Variants in UBE3A observed in about 807,000 individuals in gnomAD.
UBE3A encodes ubiquitin protein ligase E3A.
In UBE3A, 6 loss-of-function variants were observed where a neutral mutation model predicts 83.4. The observed-to-expected ratio is 0.07, with a 90% CI of 0.04 to 0.14. The LOEUF is 0.14. Among genes scored for constraint, UBE3A ranks in the 10% least tolerant of loss-of-function variants. The pLI is 1.00. For synonymous variants in UBE3A, 337 were observed against 355.4 expected (o/e 0.95, Z 0.58); for missense variants, 456 against 1,036.1 (o/e 0.44, Z 7.69).
At chr15:25,351,969 G>A (rs1237285495) in intron 11 of UBE3A, among the ~76,000 whole-genome samples, 3 of 151,948 alleles carry the variant, frequency 2.0e-5, no homozygotes, top group Admixed American at 6.6e-5. Context: ...CGAGGCGGGC[G>A]GATCACCAGA....
At chr15:25,358,089 G>T (rs2077497408) in intron 7 of UBE3A, among the ~76,000 whole-genome samples, 2 of 151,772 alleles carry the variant, frequency 1.3e-5, no homozygotes, top group East Asian at 1.9e-4. Flanking sequence ...GGAAAATTGG[G>T]GCCCGGTGTG....
chr15:25,389,283 A>G (rs1363282549), intron 4 of UBE3A, among the ~76,000 whole-genome samples: 1 of 150,060 alleles, frequency 6.7e-6, no homozygotes, highest in Non-Finnish European at 1.5e-5. Context: ...GAGTCTAGAC[A>G]CAGGTCTTAC....
At chr15:25,389,440 G>GAAGA (rs1172202293) in intron 4 of UBE3A, among the ~76,000 whole-genome samples, 2 of 152,150 alleles carry the variant, frequency 1.3e-5, no homozygotes, top group Admixed American at 1.3e-4. Flanking sequence ...TACCAACCAT[G>GAAGA]AAGAAAAGAA....
intron 4 of UBE3A, among the ~76,000 whole-genome samples, chr15:25,386,063 G>A (rs1163645288): frequency 6.6e-6 from 1 of 152,098 alleles, no homozygotes; most frequent in East Asian, 1.9e-4. Flanking sequence ...TTGTAGCAAA[G>A]CCAAAATGAT....
At chr15:25,402,822 G>A (rs1029674723) in intron 4 of UBE3A, among the ~76,000 whole-genome samples, 9 of 152,078 alleles carry the variant, frequency 5.9e-5, no homozygotes, top group South Asian at 2.1e-4. Context: ...GTAATCTCTC[G>A]TCTGGTTTCT....
intron 6 of UBE3A, among the ~76,000 whole-genome samples, chr15:25,363,726 T>C (rs926186795): frequency 6.6e-6 from 1 of 152,164 alleles, no homozygotes; most frequent in African/African-American, 2.4e-5. Flanking sequence ...TATTTTTCCA[T>C]TTTTTACAAC....
In UBE3A at chr15:25,337,553, G is replaced by GA. The variant is rs2074043910; in HGVS notation, c.*1583dup. 2.0e-5 allele frequency: 3 copies of GA among 151,944 alleles called. No individual in the cohort carries two copies. Among genetic ancestry groups the GA allele is most frequent in the African/African-American group, 4.8e-5 (2 of 41,350 alleles). 9.4% of individuals were successfully genotyped at this position (151,944 alleles called of 1,614,324 possible). A position where few individuals can be genotyped will look rare whatever the true frequency, so the allele number is the denominator to read the frequency against. ...TAACAAACAGTTCTGTCTCAATTAT[G>GA]AAAAAAATTAATTAAAATAATCCTG... is the stretch of plus-strand genomic sequence containing the variant. On this transcript the variant is annotated 3_prime_UTR_variant, in exon 13 of 13. Coordinates refer to ENST00000648336, the MANE Select transcript of UBE3A (RefSeq NM_130839.5).
rs2077164183 is a variant in UBE3A at position 25,355,946 on chromosome 15, C to T, written c.2070G>A (p.Met690Ile). Residue 690 changes from methionine to isoleucine, a missense_variant, in exon 9 of 13, where the codon ATG (methionine) becomes ATA (isoleucine). Around this residue, in one of 13 missense-constraint regions of UBE3A, gnomAD observed 82 missense variants for 199.3 expected, o/e 0.41. Coordinates refer to ENST00000648336, the MANE Select transcript of UBE3A (RefSeq NM_130839.5). ...SQTDLFGNPM[M>I]YDLKENGDKI... ...TATCACCATTTTCCTTTAGATCATA[C>T]ATCATTGGGTTACCAAAAAGATCTG... is the stretch of plus-strand genomic sequence containing the variant. The T allele has an allele frequency of 1.2e-6, 2 of 1,613,652 alleles. No homozygotes were observed. The highest frequency in any genetic ancestry group is 8.5e-7 in the Non-Finnish European group (1 of 1,179,764).
At chr15:25,354,716 T>C (rs1392586074) in intron 9 of UBE3A, 33 bp from the exon 10 acceptor site, 9 of 1,590,080 alleles carry the variant, frequency 5.7e-6, no homozygotes, top group African/African-American at 1.3e-5. Context: ...GAACTTCTTA[T>C]AATATGCTAT....
chr15:25,374,501 T>C (rs1335661976), intron 5 of UBE3A: 1 of 152,238 alleles, frequency 6.6e-6, no homozygotes, highest in African/African-American at 2.4e-5. Context: ...TATTTTCCCA[T>C]AGTGTGTGAA....
chr15:25,385,604 C>T (rs2082976086), intron 4 of UBE3A, among the ~76,000 whole-genome samples: 1 of 152,054 alleles, frequency 6.6e-6, no homozygotes, highest in Non-Finnish European at 1.5e-5. Flanking sequence ...AGTCACCACT[C>T]CATCCTAACA....
Position 25,371,929 on chromosome 15 carries a change from T to C in UBE3A, c.362-117A>G, listed in dbSNP as rs572796273. The stretch of plus-strand genomic sequence containing the variant: ...ATTCTAGGCTCAATATCATTTATGA[T>C]ATACAACTCTTAAAGTATCTAATAC... On this transcript the variant is annotated intron_variant, in intron 5 of 12. Coordinates refer to ENST00000648336, the MANE Select transcript of UBE3A (RefSeq NM_130839.5). The surrounding 1 kb of genome is among the most constrained non-coding windows in gnomAD (Gnocchi z 5.3). 3.2e-5 allele frequency: 33 copies of C among 1,028,294 alleles called. No homozygotes were observed. Among genetic ancestry groups the C allele is most frequent in the Admixed American group, 3.0e-4 (11 of 36,358 alleles). The allele number at this position is 1,028,294 out of a possible 1,614,324, so 63.7% of individuals were successfully genotyped here.
At chr15:25,409,248 T>C (rs1349964982) in intron 2 of UBE3A, 41 bp from the exon 3 acceptor site, 2 of 630,898 alleles carry the variant, frequency 3.2e-6, no homozygotes, top group Non-Finnish European at 5.4e-6. Flanking sequence ...CACTTTAATA[T>C]ATAAACCCAA....
chr15:25,372,273 A>G (rs2080422538), intron 5 of UBE3A, among the ~76,000 whole-genome samples: 2 of 152,066 alleles, frequency 1.3e-5, no homozygotes, highest in Admixed American at 1.3e-4. Flanking sequence ...GCAAGGTCTT[A>G]AAAAAAGGCT....
At chr15:25,402,387 T>C (rs1490592695) in intron 4 of UBE3A, among the ~76,000 whole-genome samples, 1 of 152,206 alleles carries the variant, frequency 6.6e-6, no homozygotes, top group African/African-American at 2.4e-5. Context: ...TAGGTGGATG[T>C]TGGCCTAGAA....
At position 25,338,523 on chromosome 15, in the gene UBE3A, T is replaced by C; in HGVS notation, c.*614A>G. On this transcript the variant is annotated 3_prime_UTR_variant, in exon 13 of 13. Transcript: ENST00000648336. ...TTTCTCCCTTCCTTCCATCTTTCTT[T>C]ATTGATTGATTCTCAAGATTTTGCA... 1 of 152,106 alleles carries C rather than the reference T, an allele frequency of 6.6e-6. No homozygotes were observed. Among genetic ancestry groups the C allele is most frequent in the Non-Finnish European group, 1.5e-5 (1 of 67,978 alleles). 9.4% of individuals were successfully genotyped at this position (152,106 alleles called of 1,614,324 possible).
At chr15:25,406,876 A>G (rs920369148) in intron 3 of UBE3A, among the ~76,000 whole-genome samples, 10 of 142,972 alleles carry the variant, frequency 7.0e-5, no homozygotes, top group Non-Finnish European at 1.4e-4. Flanking sequence ...AAAAAAAAAG[A>G]CTCCAGCAGC....
At position 25,409,149 on chromosome 15, in the gene UBE3A, A is replaced by AAAAC; in HGVS notation, c.-46_-43dup. On this transcript the variant is annotated 5_prime_UTR_variant, in exon 3 of 13. Coordinates refer to ENST00000648336, the MANE Select transcript of UBE3A (RefSeq NM_130839.5). ...GATCACAGCTTTGAGTCACTGATTAAAAACAGGTTGTCACACCAGTCTAGC... is the reference window on the plus strand; with the variant it reads ...GATCACAGCTTTGAGTCACTGATTAAAAACAAACAGGTTGTCACACCAGTCTAGC... 1 of 1,589,644 alleles carries AAAAC rather than the reference A, an allele frequency of 6.3e-7. No homozygotes were observed. Among genetic ancestry groups the AAAAC allele is most frequent in the Non-Finnish European group, 8.6e-7 (1 of 1,166,294 alleles).
At chr15:25,376,706 TA>T (rs1328061967) in intron 4 of UBE3A, among the ~76,000 whole-genome samples, 1 of 130,102 alleles carries the variant, frequency 7.7e-6, no homozygotes, top group Non-Finnish European at 1.6e-5. Flanking sequence ...TGTAGAATCT[TA>T]AATCTAAAAC....
Sources: allele counts gnomAD v4.1 joint callset (sites outside exome capture counted in the v4.1 genomes callset), GRCh38; gene constraint gnomAD v4.1.1; regional missense constraint gnomAD v4.1.1; non-coding constraint Gnocchi (gnomAD v3.1); transcripts MANE v1.5; gene names NCBI Gene and HGNC (gene_info 2026-07-23, HGNC 2026-07-21).